The following DYRK1A variants were observed in gnomAD, a reference collection of about 807,000 sequenced individuals.
The protein encoded by DYRK1A is dual specificity tyrosine-phosphorylation-regulated kinase 1A.
In DYRK1A, 9 loss-of-function variants were observed where a neutral mutation model predicts 79.7. The ratio of observed to expected loss-of-function variants is 0.11; its 90% CI spans 0.07 to 0.20. The LOEUF (loss-of-function observed/expected upper bound fraction) is 0.20, where lower values mean the gene tolerates loss of function less well. DYRK1A is among the 10% of genes least tolerant of loss of function. The pLI, the probability that DYRK1A is intolerant of heterozygous loss-of-function variation, is 1.00. For synonymous variants in DYRK1A, 349 were observed against 329.7 expected (o/e 1.06, Z -0.63); for missense variants, 622 against 956.0 (o/e 0.65, Z 4.61).
At chr21:37,511,570 T>C (rs566619373) in intron 11 of DYRK1A, among the ~76,000 whole-genome samples, 1 of 152,150 alleles carries the variant, frequency 6.6e-6, no homozygotes, top group African/African-American at 2.4e-5. Flanking sequence ...AGTAAAGACT[T>C]CCTTTTGGAC....
chr21:37,410,448 T>C (rs891152754), intron 1 of DYRK1A: 2 of 152,238 alleles, frequency 1.3e-5, no homozygotes, highest in African/African-American at 4.8e-5. Context: ...GTTTTCATTA[T>C]ATTTAGGATT....
intron 1 of DYRK1A, among the ~76,000 whole-genome samples, chr21:37,417,682 G>A (rs2148423415): frequency 1.3e-5 from 2 of 151,332 alleles, no homozygotes; most frequent in Middle Eastern, 6.8e-3. Context: ...TTAACAGCCT[G>A]TGGAAACTGT....
intron 1 of DYRK1A, among the ~76,000 whole-genome samples, chr21:37,375,911 C>T (rs1160302867): frequency 1.3e-5 from 2 of 152,012 alleles, no homozygotes; most frequent in African/African-American, 4.8e-5. Context: ...TTGGAACAGG[C>T]ATGCCTGTTT....
chr21:37,375,030 C>T (rs1378965189), intron 1 of DYRK1A: 2 of 152,288 alleles, frequency 1.3e-5, no homozygotes, highest in African/African-American at 2.4e-5. Context: ...CCTGACTCTT[C>T]GTTCTTTGTT....
At chr21:37,390,234 T>C (rs1187519409) in intron 1 of DYRK1A, among the ~76,000 whole-genome samples, 2 of 152,102 alleles carry the variant, frequency 1.3e-5, no homozygotes, top group Non-Finnish European at 2.9e-5. Context: ...CTGGATGGGG[T>C]TTGGGCCGCA....
chr21:37,367,894 A>G (rs942153589), intron 1 of DYRK1A: 7 of 152,542 alleles, frequency 4.6e-5, no homozygotes, highest in African/African-American at 1.2e-4. Context: ...GGGGCCGTAG[A>G]CAGCGCCAGA....
At chr21:37,457,861 C>G (rs942623543) in intron 2 of DYRK1A, among the ~76,000 whole-genome samples, 1 of 152,176 alleles carries the variant, frequency 6.6e-6, no homozygotes. Flanking sequence ...ACTGCTGTTG[C>G]TGTGCCTGCT....
At position 37,515,680 on chromosome 21, in the gene DYRK1A, G is replaced by A. The variant is rs1471766010; in HGVS notation, c.*3149G>A. ...GTATATATTAAGGTGGCTTTCGAGA[G>A]GCAAGATGCTTATTTAAAAGTTAAG... On this transcript the variant is annotated 3_prime_UTR_variant, in exon 12 of 12. Coordinates refer to ENST00000647188, the MANE Select transcript of DYRK1A (RefSeq NM_001347721.2). 6.6e-6 allele frequency: 1 copy of A among 152,082 alleles called. No individual in the cohort carries two copies. The highest frequency in any genetic ancestry group is 1.5e-5 in the Non-Finnish European group (1 of 68,014). The allele number at this position is 152,082 out of a possible 1,614,324, so 9.4% of individuals were successfully genotyped here.
chr21:37,478,119 G>C, intron 3 of DYRK1A, 89 bp from the exon 4 acceptor site: 1 of 1,565,592 alleles, frequency 6.4e-7, no homozygotes, highest in Non-Finnish European at 8.7e-7. Flanking sequence ...GATACATGCA[G>C]GTTACAGAAG....
At chr21:37,370,986 T>G (rs895985002) in intron 1 of DYRK1A, among the ~76,000 whole-genome samples, 1 of 152,230 alleles carries the variant, frequency 6.6e-6, no homozygotes, top group South Asian at 2.1e-4. Flanking sequence ...TTGGGCAATT[T>G]TCTGATGGCT....
chr21:37,404,222 C>G (rs975530813), intron 1 of DYRK1A, among the ~76,000 whole-genome samples: 8 of 152,160 alleles, frequency 5.3e-5, no homozygotes, highest in African/African-American at 1.9e-4. Flanking sequence ...GGAGGCTGAG[C>G]AGTCATAAGA....
rs117060656 is a variant in DYRK1A, at chr21:37,476,269, G to C, written c.208-1939G>C. ...CGTGTGTAAAATGGTCACAGGAATGGTATTTATCTCCCTTGAGATTGTTGA... is the reference window on the plus strand; with the variant it reads ...CGTGTGTAAAATGGTCACAGGAATGCTATTTATCTCCCTTGAGATTGTTGA... On this transcript the variant is annotated intron_variant, in intron 3 of 11. Transcript: ENST00000647188. Among the ~76,000 whole-genome samples the C allele has an allele frequency of 1.1e-3, 171 of 152,290 alleles. No homozygotes were observed. The East Asian group carries it at 0.03, about 26-fold the overall frequency.
chr21:37,501,208 G>C (rs1363655319), intron 9 of DYRK1A: 2 of 122,388 alleles, frequency 1.6e-5, no homozygotes, highest in Non-Finnish European at 3.2e-5. Flanking sequence ...GTCTCGCTCT[G>C]TTGCCAGGCT....
intron 8 of DYRK1A, among the ~76,000 whole-genome samples, chr21:37,495,835 CAG>C (rs2053250832): frequency 6.6e-6 from 1 of 152,146 alleles, no homozygotes; most frequent in African/African-American, 2.4e-5. Context: ...TCTCCCAAAA[CAG>C]AAACTTTAAA....
Position 37,366,853 on chromosome 21 carries a change from C to T in DYRK1A, c.-852C>T, listed in dbSNP as rs2049315954. 6.6e-6 allele frequency: 1 copy of T among 152,246 alleles called. No homozygotes were observed. 9.4% of individuals were successfully genotyped at this position (152,246 alleles called of 1,614,324 possible). ...TTCCCGCCCGAATAATAATAAAAAG[C>T]CCCATTGGAGTGAGGCGGGGGTGGC... On this transcript the variant is annotated 5_prime_UTR_variant, in exon 1 of 12. Coordinates refer to ENST00000647188, the MANE Select transcript of DYRK1A (RefSeq NM_001347721.2).
intron 2 of DYRK1A, among the ~76,000 whole-genome samples, chr21:37,457,041 T>TTACTTAC (rs1569339620): frequency 0.034 from 1,591 of 46,768 alleles, 34 homozygotes; most frequent in East Asian, 0.21. Flanking sequence ...TACTTACTTA[T>TTACTTAC]TTATTTATTT....
chr21:37,399,462 C>T (rs181833021), intron 1 of DYRK1A, among the ~76,000 whole-genome samples: 2 of 151,398 alleles, frequency 1.3e-5, no homozygotes, highest in Non-Finnish European at 2.9e-5. Context: ...GGGACCTTTA[C>T]AGGAAATGTA....
Position 37,512,075 on chromosome 21 carries a change from C to T in DYRK1A, c.1809C>T (p.His603=), listed in dbSNP as rs760014177. Reference sequence around the variant, plus strand: ...ACAGTTCCCATCACCATCACCACCACCACCACCATCACCACCACCATGGAC... The same window carrying T: ...ACAGTTCCCATCACCATCACCACCATCACCACCATCACCACCACCATGGAC... ...HGNSSHHHHH[H]HHHHHHHGQQ... is the part of the protein sequence containing the mutation. The change falls in exon 12 of 12, where the codon CAC becomes CAT. Residue 603 remains histidine (H), a synonymous_variant. Coordinates refer to ENST00000647188, the MANE Select transcript of DYRK1A (RefSeq NM_001347721.2). The T allele has an allele frequency of 6.2e-7, 1 of 1,614,050 alleles. No homozygotes were observed. The highest frequency in any genetic ancestry group is 8.5e-7 in the Non-Finnish European group (1 of 1,179,980).
chr21:37,371,753 C>G (rs529531352), intron 1 of DYRK1A, among the ~76,000 whole-genome samples: 1 of 152,108 alleles, frequency 6.6e-6, no homozygotes, highest in South Asian at 2.1e-4. Flanking sequence ...CTTGTTTTAT[C>G]TCCCCATGTT....
Sources: gnomAD v4.1 joint callset for allele counts (sites outside exome capture counted in the v4.1 genomes callset) on GRCh38, gnomAD v4.1.1 for gene constraint, MANE v1.5 for transcripts, NCBI Gene and HGNC (gene_info 2026-07-23, HGNC 2026-07-21) for gene names.